The following ZBTB8B variants were observed in gnomAD, a reference collection of about 807,000 sequenced individuals.
ZBTB8B encodes zinc finger and BTB domain containing 8B.
In ZBTB8B, 17 loss-of-function variants were observed where a neutral mutation model predicts 30.3. That is an observed-to-expected ratio of 0.56 (90% CI 0.38 to 0.84). ZBTB8B has a LOEUF of 0.84. ZBTB8B is among the 40% of genes least tolerant of loss of function. ZBTB8B has a pLI of 0.00. For missense variants in ZBTB8B, 515 were observed against 644.9 expected (o/e 0.80, Z 2.18); for synonymous variants, 248 against 255.6 (o/e 0.97, Z 0.28).
At chr1:32,482,974 T>A (rs1239938557) in intron 3 of ZBTB8B, among the ~76,000 whole-genome samples, 1 of 151,904 alleles carries the variant, frequency 6.6e-6, no homozygotes, top group Non-Finnish European at 1.5e-5. Flanking sequence ...TGGGTGGCTC[T>A]CCTGCATCAG....
Position 32,480,912 on chromosome 1 carries a change from T to C in ZBTB8B, c.1013T>C (p.Ile338Thr). The stretch of plus-strand genomic sequence containing the variant: ...CCAGGTGATGTGCTGGTGGTCCCCA[T>C]CAAGCTCCACAAGTGTCCTTTCTGC... ...EDSGDVLVVP[I>T]KLHKCPFCPY... Residue 338 changes from isoleucine to threonine, a missense_variant, in exon 3 of 4, where the codon ATC (isoleucine) becomes ACC (threonine). Ile to Thr is a moderately conservative substitution (Grantham distance 89, BLOSUM62 -1). This residue lies in a region of ZBTB8B where 429 missense variants were observed against 504.3 expected (regional missense o/e 0.85). Transcript: ENST00000609129. The C allele has an allele frequency of 6.4e-7, 1 of 1,551,732 alleles. No homozygotes were observed. Among genetic ancestry groups the C allele is most frequent in the South Asian group, 1.2e-5 (1 of 83,954 alleles).
chr1:32,489,212 G>T lies in ZBTB8B; in HGVS notation c.*3794G>T, dbSNP rs550460464. Reference sequence around the variant, plus strand: ...ATAGCTTGCCCAAGATCTGATTTAGGTTTATAATGTGGAAACTTAGAAAAT... The same window carrying T: ...ATAGCTTGCCCAAGATCTGATTTAGTTTTATAATGTGGAAACTTAGAAAAT... On this transcript the variant is annotated 3_prime_UTR_variant, in exon 4 of 4. Coordinates refer to ENST00000609129, the MANE Select transcript of ZBTB8B (RefSeq NM_001145720.2). The T allele has an allele frequency of 1.3e-5, 2 of 152,306 alleles. No homozygotes were observed. Among genetic ancestry groups the T allele is most frequent in the East Asian group, 1.9e-4 (1 of 5,188 alleles). 9.4% of individuals were successfully genotyped at this position (152,306 alleles called of 1,614,324 possible).
rs1262707625 is a variant in ZBTB8B at position 32,465,891 on chromosome 1, C to T, written c.-42+786C>T. ...TTATTGTGAGGTGAAAACTAATGTG[C>T]TTGTAAAAGCCAGGCATGGTGGCGC... is the stretch of plus-strand genomic sequence containing the variant. On this transcript the variant is annotated intron_variant, in intron 1 of 3. Transcript: ENST00000609129. The surrounding 1 kb of genome is among the most constrained non-coding windows in gnomAD (Gnocchi z 4.1). 1.3e-5 allele frequency among the ~76,000 whole-genome samples: 2 copies of T among 152,038 alleles called. No homozygotes were observed. The highest frequency in any genetic ancestry group is 2.9e-5 in the Non-Finnish European group (2 of 68,024).
intron 1 of ZBTB8B, among the ~76,000 whole-genome samples, chr1:32,468,014 G>A (rs1361759845): frequency 6.6e-6 from 1 of 152,054 alleles, no homozygotes; most frequent in Non-Finnish European, 1.5e-5. Context: ...TACTCGGGAG[G>A]CTGAGGTAGG....
intron 3 of ZBTB8B, among the ~76,000 whole-genome samples, chr1:32,483,242 TCCAAAA>T (rs1279681985): frequency 6.9e-4 from 23 of 33,104 alleles, no homozygotes; most frequent in African/African-American, 1.7e-3. Context: ...CTACTAAAAA[TCCAAAA>T]AAAAAAAAAA....
At position 32,478,192 on chromosome 1, in the gene ZBTB8B, C is replaced by T. The variant is rs530070327; in HGVS notation, c.992-2699C>T. On this transcript the variant is annotated intron_variant, in intron 2 of 3. Coordinates refer to ENST00000609129, the MANE Select transcript of ZBTB8B (RefSeq NM_001145720.2). Reference sequence around the variant, plus strand: ...CCATGATCATGCCACTGCACTCCTGCCTGGGTGACAGAGACCCTGTGTCAA... The same window carrying T: ...CCATGATCATGCCACTGCACTCCTGTCTGGGTGACAGAGACCCTGTGTCAA... Among the ~76,000 whole-genome samples, 219 of 151,876 alleles carry T rather than the reference C, an allele frequency of 1.4e-3. 1 individual carries two copies. The highest frequency in any genetic ancestry group is 4.4e-3 in the African/African-American group (183 of 41,432).
chr1:32,479,019 G>A (rs934755900), intron 2 of ZBTB8B, among the ~76,000 whole-genome samples: 4 of 152,196 alleles, frequency 2.6e-5, no homozygotes, highest in Non-Finnish European at 5.9e-5. Flanking sequence ...GGTGGGAACT[G>A]TTATCATACC....
chr1:32,473,954 G>A (rs981777497), intron 2 of ZBTB8B, among the ~76,000 whole-genome samples: 5 of 151,914 alleles, frequency 3.3e-5, no homozygotes, highest in African/African-American at 7.3e-5. Context: ...GGGTTCAAGC[G>A]AGTCTCCTGC....
At chr1:32,480,289 A>C (rs2148184724) in intron 2 of ZBTB8B, among the ~76,000 whole-genome samples, 6 of 144,078 alleles carry the variant, frequency 4.2e-5, no homozygotes, top group South Asian at 2.4e-4. Context: ...GGTGAGAGGA[A>C]TGGTGGGGGG....
chr1:32,466,676 G>A (rs1643573293), intron 1 of ZBTB8B, among the ~76,000 whole-genome samples: 1 of 152,044 alleles, frequency 6.6e-6, no homozygotes, highest in Non-Finnish European at 1.5e-5. Flanking sequence ...AATTGCAATA[G>A]AATAAAAAAT....
chr1:32,467,782 A>G (rs1643582908), intron 1 of ZBTB8B, among the ~76,000 whole-genome samples: 1 of 152,252 alleles, frequency 6.6e-6, no homozygotes, highest in East Asian at 1.9e-4. Context: ...TAGTGGAATC[A>G]GTCAGTTAGG....
At position 32,471,345 on chromosome 1, in the gene ZBTB8B, GACGT is replaced by G; in HGVS notation, c.722_725del (p.Asp241ValfsTer12). 6.4e-7 allele frequency: 1 copy of G among 1,551,798 alleles called. No individual in the cohort carries two copies. The highest frequency in any genetic ancestry group is 8.7e-7 in the Non-Finnish European group (1 of 1,147,008). On this transcript the variant is annotated frameshift_variant, in exon 2 of 4. Transcript: ENST00000609129. LOFTEE classifies it high-confidence loss of function. ...ATTTGATGCTGATGAAGTGGAGGTGGACGTTGGTGAACAGCTGCAGCAGTATGCT... is the reference window on the plus strand; with the variant it reads ...ATTTGATGCTGATGAAGTGGAGGTGGTGGTGAACAGCTGCAGCAGTATGCT...
chr1:32,481,012 T>C lies in ZBTB8B; in HGVS notation c.1113T>C (p.Cys371=), dbSNP rs1477079021. 6.4e-7 allele frequency: 1 copy of C among 1,552,250 alleles called. No homozygotes were observed. The highest frequency in any genetic ancestry group is 8.7e-7 in the Non-Finnish European group (1 of 1,147,164). ...RSHTGERPYP[C]ETCGKRFTRQ... Reference sequence around the variant, plus strand: ...ACACAGGCGAGCGGCCCTACCCCTGTGAGACCTGCGGCAAGAGGTTCACTC... The same window carrying C: ...ACACAGGCGAGCGGCCCTACCCCTGCGAGACCTGCGGCAAGAGGTTCACTC... Residue 371 remains cysteine, a synonymous_variant, in exon 3 of 4, where the codon TGT becomes TGC. Transcript: ENST00000609129.
In ZBTB8B at chr1:32,493,958, T is replaced by G. The variant is rs1393825965; in HGVS notation, c.*8540T>G. 1 of 151,740 alleles carries G rather than the reference T, an allele frequency of 6.6e-6. No homozygotes were observed. The highest frequency in any genetic ancestry group is 6.6e-5 in the Admixed American group (1 of 15,222). 9.4% of individuals were successfully genotyped at this position (151,740 alleles called of 1,614,324 possible). A position where few individuals can be genotyped will look rare whatever the true frequency, so the allele number is the denominator to read the frequency against. On this transcript the variant is annotated 3_prime_UTR_variant, in exon 4 of 4. Transcript: ENST00000609129. ...GCTTACGCCTGTAATCCCAGCATTT[T>G]GGGAGGCTAAGGTGGGTGGATCCCT... is the stretch of plus-strand genomic sequence containing the variant.
At position 32,496,344 on chromosome 1, in the gene ZBTB8B, T is replaced by C. The variant is rs1363525935; in HGVS notation, c.*10926T>C. 1 of 152,226 alleles carries C rather than the reference T, an allele frequency of 6.6e-6. No homozygotes were observed. The highest frequency in any genetic ancestry group is 1.5e-5 in the Non-Finnish European group (1 of 68,044). 9.4% of individuals were successfully genotyped at this position (152,226 alleles called of 1,614,324 possible). ...CGTGCCGAGCTCTACAGTTACACAC[T>C]GTCCAACAGCTCTCGGAAGAAAAAC... On this transcript the variant is annotated 3_prime_UTR_variant, in exon 4 of 4. Coordinates refer to ENST00000609129, the MANE Select transcript of ZBTB8B (RefSeq NM_001145720.2).
At chr1:32,476,900 C>T (rs1643668494) in intron 2 of ZBTB8B, among the ~76,000 whole-genome samples, 1 of 152,184 alleles carries the variant, frequency 6.6e-6, no homozygotes, top group Non-Finnish European at 1.5e-5. Flanking sequence ...GTTGTATCCC[C>T]AGGACCCTAG....
intron 2 of ZBTB8B, among the ~76,000 whole-genome samples, chr1:32,479,316 G>A (rs1643687233): frequency 6.6e-6 from 1 of 152,200 alleles, no homozygotes; most frequent in African/African-American, 2.4e-5. Context: ...CCTGAGGTCA[G>A]GAGTTGAGAC....
intron 2 of ZBTB8B, among the ~76,000 whole-genome samples, chr1:32,476,382 G>A (rs888051679): frequency 1.6e-4 from 24 of 151,978 alleles, no homozygotes; most frequent in African/African-American, 5.1e-4. Context: ...TGTAAAATCC[G>A]AACTGAACTC....
At chr1:32,474,066 G>A (rs916202197) in intron 2 of ZBTB8B, among the ~76,000 whole-genome samples, 2 of 151,590 alleles carry the variant, frequency 1.3e-5, no homozygotes, top group African/African-American at 4.9e-5. Context: ...GGCCAGGCTG[G>A]ACTCGAACTA....
Sources: allele counts gnomAD v4.1 joint callset (sites outside exome capture counted in the v4.1 genomes callset), GRCh38; gene constraint gnomAD v4.1.1; regional missense constraint gnomAD v4.1.1; non-coding constraint Gnocchi (gnomAD v3.1); transcripts MANE v1.5; gene names NCBI Gene and HGNC (gene_info 2026-07-23, HGNC 2026-07-21).